Variants in FCRL1 observed in about 807,000 individuals in gnomAD.
FCRL1 encodes Fc receptor-like protein 1.
FCRL1 carries 34 observed loss-of-function variants against 49.2 expected under a neutral mutation model. The observed-to-expected ratio is 0.69, with a 90% CI of 0.53 to 0.92. The LOEUF (loss-of-function observed/expected upper bound fraction) is 0.92, where lower values mean the gene tolerates loss of function less well. FCRL1 is among the 40% of genes least tolerant of loss of function. The pLI, the probability that FCRL1 is intolerant of heterozygous loss-of-function variation, is 0.00. For missense variants in FCRL1, 524 were observed against 524.1 expected (o/e 1.00, Z 0.00); for synonymous variants, 218 against 201.6 (o/e 1.08, Z -0.69).
intron 1 of FCRL1, among the ~76,000 whole-genome samples, chr1:157,814,808 C>T (rs976814520): frequency 2.0e-5 from 3 of 151,750 alleles, no homozygotes; most frequent in Non-Finnish European, 4.4e-5. Flanking sequence ...AATAGTTATG[C>T]TTATATCTGA....
At chr1:157,818,331 A>C (rs1655332499) in intron 1 of FCRL1, among the ~76,000 whole-genome samples, 1 of 152,030 alleles carries the variant, frequency 6.6e-6, no homozygotes, top group Non-Finnish European at 1.5e-5. Flanking sequence ...CATAAAAAAT[A>C]ATGAAATCCT....
At position 157,801,483 on chromosome 1, in the gene FCRL1, G is replaced by A; in HGVS notation, c.981C>T (p.Cys327=). 6.2e-7 allele frequency: 1 copy of A among 1,612,938 alleles called. No individual in the cohort carries two copies. Among genetic ancestry groups the A allele is most frequent in the Non-Finnish European group, 8.5e-7 (1 of 1,179,066 alleles). Residue 327 remains cysteine (C), a synonymous_variant, in exon 6 of 11, where the codon TGC becomes TGT. Transcript: ENST00000368176. ...AACCTATTTTTCTTTTGAGGCCGTAGCAAAATAATAAGGCCACGGTGGCTG... is the reference window on the plus strand; with the variant it reads ...AACCTATTTTTCTTTTGAGGCCGTAACAAAATAATAAGGCCACGGTGGCTG... ...LGPATVALLF[C]YGLKRKIGRR...
In FCRL1 at chr1:157,802,080, A is replaced by G. The variant is rs762138637; in HGVS notation, c.721T>C (p.Trp241Arg). 1 of 1,614,200 alleles carries G rather than the reference A, an allele frequency of 6.2e-7. No individual in the cohort carries two copies. The highest frequency in any genetic ancestry group is 8.5e-7 in the Non-Finnish European group (1 of 1,180,028). Residue 241 changes from tryptophan to arginine, a missense_variant, in exon 5 of 11, where the codon TGG (tryptophan) becomes CGG (arginine). Coordinates refer to ENST00000368176, the MANE Select transcript of FCRL1 (RefSeq NM_052938.5). ...AGGGTGATATCCTCGTGATAAAACCAGTACAGGATCGGAGGAGAGCCTCTC... is the reference window on the plus strand; with the variant it reads ...AGGGTGATATCCTCGTGATAAAACCGGTACAGGATCGGAGGAGAGCCTCTC... ...ALRGSPPILY[W>R]FYHEDITLGS...
rs1654790416 is a variant in FCRL1 at position 157,814,659 on chromosome 1, A to T, written c.31+5348T>A. Among the ~76,000 whole-genome samples, 3 of 152,042 alleles carry T rather than the reference A, an allele frequency of 2.0e-5. No homozygotes were observed. The South Asian group carries it at 6.2e-4, about 31-fold the overall frequency. On this transcript the variant is annotated intron_variant, in intron 1 of 10. Coordinates refer to ENST00000368176, the MANE Select transcript of FCRL1 (RefSeq NM_052938.5). ...TGTAAATAGATTAAATTATTCAATT[A>T]AAAAATATAGAGTGGCTGAATGGAT...
intron 1 of FCRL1, among the ~76,000 whole-genome samples, chr1:157,818,731 T>C (rs10908597): frequency 0.44 from 66,894 of 151,908 alleles, 15,050 homozygotes; most frequent in African/African-American, 0.53. Context: ...ATTCTGAAAT[T>C]GATTGTGGTG....
chr1:157,806,396 A>G (rs1653448134), intron 2 of FCRL1, among the ~76,000 whole-genome samples: 1 of 152,198 alleles, frequency 6.6e-6, no homozygotes, highest in South Asian at 2.1e-4. Flanking sequence ...TCTGCACAAG[A>G]TAGCAATTTT....
chr1:157,809,441 A>C (rs1653982294), intron 1 of FCRL1, among the ~76,000 whole-genome samples: 1 of 152,016 alleles, frequency 6.6e-6, no homozygotes, highest in Non-Finnish European at 1.5e-5. Flanking sequence ...AAAAACAAAC[A>C]AAAAAAACCA....
chr1:157,798,296 C>A, intron 7 of FCRL1, 53 bp from the exon 8 acceptor site: 1 of 1,419,802 alleles, frequency 7.0e-7, no homozygotes. Flanking sequence ...CCAGATCATG[C>A]AGATATCACA....
intron 1 of FCRL1, among the ~76,000 whole-genome samples, chr1:157,816,462 T>C (rs1239382375): frequency 1.3e-5 from 2 of 151,954 alleles, no homozygotes; most frequent in Non-Finnish European, 2.9e-5. Context: ...AAAGGTCATA[T>C]ATGACAAGTC....
At chr1:157,812,302 T>A (rs753450439) in intron 1 of FCRL1, among the ~76,000 whole-genome samples, 1 of 152,166 alleles carries the variant, frequency 6.6e-6, no homozygotes, top group African/African-American at 2.4e-5. Context: ...CACTGTTCCC[T>A]GCTCTCCAGA....
chr1:157,805,183 T>C (rs1653222651), intron 2 of FCRL1, among the ~76,000 whole-genome samples: 1 of 152,120 alleles, frequency 6.6e-6, no homozygotes, highest in Non-Finnish European at 1.5e-5. Context: ...GGTGATAAGA[T>C]GATAAAATTG....
At position 157,798,831 on chromosome 1, in the gene FCRL1, C is replaced by T. The variant is rs184014223; in HGVS notation, c.1032-588G>A. On this transcript the variant is annotated intron_variant, in intron 7 of 10. Coordinates refer to ENST00000368176, the MANE Select transcript of FCRL1 (RefSeq NM_052938.5). ...AGTATGTTCATTCCTGTCTGTCTTA[C>T]ATTCCAGAAATGTACATGTATCTTA... Among the ~76,000 whole-genome samples, 9 of 152,272 alleles carry T rather than the reference C, an allele frequency of 5.9e-5. No individual in the cohort carries two copies. In the East Asian group the frequency reaches 1.7e-3, roughly 29 times the overall value.
At chr1:157,798,052 G>T in intron 8 of FCRL1, 109 bp downstream of exon 8, 2 of 1,496,738 alleles carry the variant, frequency 1.3e-6, no homozygotes, top group Non-Finnish European at 1.9e-6. Context: ...TTTGTTTGTA[G>T]CAGAGGCTAG....
At chr1:157,806,635 T>C (rs1653496370) in intron 2 of FCRL1, 1 of 154,628 alleles carries the variant, frequency 6.5e-6, no homozygotes, top group African/African-American at 2.4e-5. Flanking sequence ...CACACATGTC[T>C]GGAGGATTCT....
intron 1 of FCRL1, among the ~76,000 whole-genome samples, chr1:157,815,934 C>A (rs1654964913): frequency 6.6e-6 from 1 of 151,748 alleles, no homozygotes; most frequent in Non-Finnish European, 1.5e-5. Context: ...AGACCAATAA[C>A]AACTAAGGGA....
intron 1 of FCRL1, among the ~76,000 whole-genome samples, chr1:157,813,877 G>A (rs1360526519): frequency 6.6e-6 from 1 of 152,140 alleles, no homozygotes; most frequent in African/African-American, 2.4e-5. Context: ...TTCTATAAGA[G>A]TATCATCAGA....
Position 157,796,088 on chromosome 1 carries a change from C to T in FCRL1, c.*11G>A. 6.2e-7 allele frequency: 1 copy of T among 1,612,472 alleles called. No homozygotes were observed. Among genetic ancestry groups the T allele is most frequent in the Non-Finnish European group, 8.5e-7 (1 of 1,178,498 alleles). ...ATGGATGGTTTTCAAAGAGCAGAAT[C>T]TTCCATAACCTTACATAGCATCTTC... is the stretch of plus-strand genomic sequence containing the variant. On this transcript the variant is annotated 3_prime_UTR_variant, in exon 11 of 11. Transcript: ENST00000368176.
chr1:157,808,583 T>C (rs1653827637), intron 1 of FCRL1, among the ~76,000 whole-genome samples: 1 of 152,208 alleles, frequency 6.6e-6, no homozygotes, highest in Non-Finnish European at 1.5e-5. Context: ...GATCCAGTCA[T>C]GGGCACTTTA....
chr1:157,805,297 A>AGCCTC (rs1433078991), intron 2 of FCRL1, among the ~76,000 whole-genome samples: 1 of 152,190 alleles, frequency 6.6e-6, no homozygotes, highest in Non-Finnish European at 1.5e-5. Flanking sequence ...CAACCCTCAG[A>AGCCTC]GCCTCTGCCC....
Sources: allele counts gnomAD v4.1 joint callset (sites outside exome capture counted in the v4.1 genomes callset), GRCh38; gene constraint gnomAD v4.1.1; transcripts MANE v1.5; gene names NCBI Gene and HGNC (gene_info 2026-07-23, HGNC 2026-07-21).